The following PRKCB variants were observed in gnomAD, a reference collection of about 807,000 sequenced individuals.
PRKCB encodes the protein protein kinase C beta.
In PRKCB, 13 loss-of-function variants were observed where a neutral mutation model predicts 81.5. That is an observed-to-expected ratio of 0.16 (90% CI 0.10 to 0.25). The LOEUF is 0.25. PRKCB is among the 10% of genes least tolerant of loss of function. The pLI is 1.00. For missense variants in PRKCB, 509 were observed against 875.7 expected (o/e 0.58, Z 5.29); for synonymous variants, 335 against 321.4 (o/e 1.04, Z -0.45).
chr16:24,117,089 C>T (rs1966744528), intron 8 of PRKCB, among the ~76,000 whole-genome samples: 1 of 145,600 alleles, frequency 6.9e-6, no homozygotes, highest in African/African-American at 2.8e-5. Flanking sequence ...AAAAATGTTT[C>T]CAACAGACCG....
intron 7 of PRKCB, among the ~76,000 whole-genome samples, chr16:24,097,071 C>G (rs1214261401): frequency 2.9e-5 from 3 of 103,934 alleles, no homozygotes; most frequent in African/African-American, 1.1e-4. Flanking sequence ...GAGTCTTGCT[C>G]TGTCACCCAG....
At chr16:24,170,039 C>A (rs1227481068) in intron 10 of PRKCB, among the ~76,000 whole-genome samples, 2 of 152,214 alleles carry the variant, frequency 1.3e-5, no homozygotes, top group Non-Finnish European at 2.9e-5. Flanking sequence ...GCCTCAGTCT[C>A]CCAAAGTGCT....
chr16:23,901,578 C>A (rs1261356407), intron 2 of PRKCB, among the ~76,000 whole-genome samples: 1 of 152,204 alleles, frequency 6.6e-6, no homozygotes, highest in East Asian at 1.9e-4. Flanking sequence ...AGGCAGATTT[C>A]TCCAGCCCAT....
At chr16:23,869,926 G>A (rs910255397) in intron 2 of PRKCB, among the ~76,000 whole-genome samples, 4 of 151,948 alleles carry the variant, frequency 2.6e-5, no homozygotes, top group African/African-American at 9.7e-5. Context: ...GGAGGCTGAA[G>A]CAGGAGAATC....
chr16:24,162,138 G>T (rs1967266286), intron 10 of PRKCB, among the ~76,000 whole-genome samples: 1 of 152,100 alleles, frequency 6.6e-6, no homozygotes. Context: ...TGCAAGGCAT[G>T]CTGGGAGGAA....
At chr16:23,841,331 C>T (rs553002896) in intron 2 of PRKCB, among the ~76,000 whole-genome samples, 11 of 151,982 alleles carry the variant, frequency 7.2e-5, no homozygotes, top group South Asian at 4.2e-4. Context: ...CCACCCGCCT[C>T]GGACTCCCAA....
intron 2 of PRKCB, among the ~76,000 whole-genome samples, chr16:23,974,755 A>G (rs573200023): frequency 4.6e-5 from 7 of 151,994 alleles, no homozygotes; most frequent in South Asian, 2.1e-4. Context: ...AAAAAACTGG[A>G]AATATTATGG....
chr16:24,058,219 T>C (rs1965928978), intron 5 of PRKCB, among the ~76,000 whole-genome samples: 1 of 152,142 alleles, frequency 6.6e-6, no homozygotes, highest in Admixed American at 6.5e-5. Context: ...CTGAGTCTTA[T>C]CTGAAGAAAC....
intron 2 of PRKCB, among the ~76,000 whole-genome samples, chr16:23,978,047 T>C (rs1964648116): frequency 6.6e-6 from 1 of 152,142 alleles, no homozygotes; most frequent in Admixed American, 6.5e-5. Flanking sequence ...TTATCTCCAT[T>C]CTAAGATTGG....
chr16:23,967,254 A>G (rs1964500638), intron 2 of PRKCB, among the ~76,000 whole-genome samples: 1 of 152,148 alleles, frequency 6.6e-6, no homozygotes, highest in Non-Finnish European at 1.5e-5. Flanking sequence ...GTGAGTTAGA[A>G]TATTCCTTCT....
chr16:24,192,031 G>A (rs1967801397), intron 16 of PRKCB, among the ~76,000 whole-genome samples: 1 of 152,232 alleles, frequency 6.6e-6, no homozygotes. Flanking sequence ...ATGATGGGTT[G>A]TAAAACTACT....
At chr16:24,134,833 GC>G (rs1236300451) in intron 9 of PRKCB, among the ~76,000 whole-genome samples, 1 of 151,924 alleles carries the variant, frequency 6.6e-6, no homozygotes, top group African/African-American at 2.4e-5. Context: ...GAGAGGTTGA[GC>G]CCAGGAGTTC....
chr16:24,161,934 C>T (rs920710475), intron 10 of PRKCB, among the ~76,000 whole-genome samples: 6 of 152,196 alleles, frequency 3.9e-5, no homozygotes, highest in Admixed American at 3.9e-4. Flanking sequence ...CCGGCACATT[C>T]ATGCAATTTC....
chr16:24,033,614 T>C (rs540644689), intron 4 of PRKCB, among the ~76,000 whole-genome samples: 2 of 152,042 alleles, frequency 1.3e-5, no homozygotes, highest in Admixed American at 1.3e-4. Context: ...ATACAAAAAT[T>C]AGCCAGTCAA....
Position 24,185,200 on chromosome 16 carries a change from A to C in PRKCB, c.1614+9A>C, listed in dbSNP as rs1026198940. The C allele has an allele frequency of 1.9e-6, 3 of 1,610,908 alleles. No individual in the cohort carries two copies. The African/African-American group carries it at 4.0e-5, about 22-fold the overall frequency. On this transcript the variant is annotated intron_variant, in intron 14 of 16. Coordinates refer to ENST00000643927, the MANE Select transcript of PRKCB (RefSeq NM_002738.7). ...AAATGTTGGCTGGGCAGGTAATTGA[A>C]TTTTAAGTGATCGATAAGAGAAGTC...
chr16:23,987,306 T>G (rs1964814835), intron 2 of PRKCB, among the ~76,000 whole-genome samples: 1 of 152,030 alleles, frequency 6.6e-6, no homozygotes, highest in South Asian at 2.1e-4. Context: ...TCGTCCTATT[T>G]TCTCCCCACT....
chr16:23,846,465 C>A (rs1375286504), intron 2 of PRKCB, among the ~76,000 whole-genome samples: 1 of 151,716 alleles, frequency 6.6e-6, no homozygotes, highest in Non-Finnish European at 1.5e-5. Flanking sequence ...CAAAAATTAG[C>A]CAGGTGTGGT....
chr16:24,121,572 T>G (rs1247419603), intron 8 of PRKCB, among the ~76,000 whole-genome samples: 2 of 152,182 alleles, frequency 1.3e-5, no homozygotes, highest in Non-Finnish European at 2.9e-5. Context: ...AGATAGGGTC[T>G]GGCTGTGTTG....
chr16:24,022,621 A>G (rs1053169239), intron 3 of PRKCB, among the ~76,000 whole-genome samples: 1 of 152,010 alleles, frequency 6.6e-6, no homozygotes, highest in African/African-American at 2.4e-5. Flanking sequence ...CCTCCTGAGT[A>G]GCTGGGACTA....
Sources: gnomAD v4.1 joint callset for allele counts (sites outside exome capture counted in the v4.1 genomes callset) on GRCh38, gnomAD v4.1.1 for gene constraint, MANE v1.5 for transcripts, NCBI Gene and HGNC (gene_info 2026-07-23, HGNC 2026-07-21) for gene names.